Variants in NLGN4Y observed in about 807,000 individuals in gnomAD.
NLGN4Y encodes the protein neuroligin-4, Y-linked.
Under a neutral mutation model 8.4 loss-of-function variants are expected in NLGN4Y, and 4 were observed. The ratio of observed to expected loss-of-function variants is 0.48; its 90% CI spans 0.23 to 1.09. The LOEUF (loss-of-function observed/expected upper bound fraction) is 1.09. Among genes scored for constraint, NLGN4Y ranks in the 50% least tolerant of loss-of-function variants. NLGN4Y has a pLI of 0.19. For missense variants in NLGN4Y, 90 were observed against 192.3 expected, an observed-to-expected ratio of 0.47 and a Z score of 3.15; for synonymous variants, 35 against 75.6, an observed-to-expected ratio of 0.46 and a Z score of 2.78.
intron 1 of NLGN4Y, among the ~76,000 whole-genome samples, chrY:14,554,510 A>C: frequency 3.1e-5 from 1 of 31,993 alleles, no homozygotes; most frequent in Non-Finnish European, 7.5e-5. Flanking sequence ...GCCCCTTACT[A>C]TTTCTATATT....
intron 1 of NLGN4Y, among the ~76,000 whole-genome samples, chrY:14,619,876 T>C: frequency 3.0e-5 from 1 of 33,763 alleles, no homozygotes; most frequent in Non-Finnish European, 7.3e-5. Flanking sequence ...TTTGAAGGAA[T>C]ATGGATGGAA....
intron 1 of NLGN4Y, among the ~76,000 whole-genome samples, chrY:14,530,053 C>CT (rs2080106483): frequency 3.8e-5 from 1 of 26,498 alleles, no homozygotes; most frequent in Non-Finnish European, 8.7e-5. Context: ...AGTTACTTTC[C>CT]TTTTTTTATT....
At chrY:14,685,377 G>A (rs780802754) in intron 2 of NLGN4Y, among the ~76,000 whole-genome samples, 1 of 33,370 alleles carries the variant, frequency 3.0e-5, no homozygotes, top group South Asian at 6.6e-4. Context: ...CTTCACGCTT[G>A]TCTTATGTCT....
At chrY:14,596,815 T>C in intron 1 of NLGN4Y, among the ~76,000 whole-genome samples, 1 of 33,207 alleles carries the variant, frequency 3.0e-5, no homozygotes, top group Non-Finnish European at 7.4e-5. Flanking sequence ...AGGGGTCCAA[T>C]GGTACTCACT....
At chrY:14,560,280 G>A in intron 1 of NLGN4Y, among the ~76,000 whole-genome samples, 1 of 33,319 alleles carries the variant, frequency 3.0e-5, no homozygotes. Flanking sequence ...AAATGATGTT[G>A]ATTTCTAGGG....
intron 4 of NLGN4Y, among the ~76,000 whole-genome samples, chrY:14,792,861 T>A: frequency 5.3e-5 from 1 of 18,948 alleles, no homozygotes; most frequent in African/African-American, 2.2e-4. Context: ...AGTGTGTGTG[T>A]GTGTGTGTGT....
intron 4 of NLGN4Y, among the ~76,000 whole-genome samples, chrY:14,814,007 C>T: frequency 6.1e-5 from 2 of 32,627 alleles, no homozygotes; most frequent in African/African-American, 2.4e-4. Context: ...CATAATAAAC[C>T]TATAGTTGTA....
At chrY:14,528,795 G>A (rs2080101478) in intron 1 of NLGN4Y, among the ~76,000 whole-genome samples, 2 of 33,559 alleles carry the variant, frequency 6.0e-5, no homozygotes, top group East Asian at 7.8e-4. Context: ...AATACATTTC[G>A]AAGAGAGAAA....
At chrY:14,657,791 T>C in intron 2 of NLGN4Y, among the ~76,000 whole-genome samples, 1 of 33,629 alleles carries the variant, frequency 3.0e-5, no homozygotes, top group Non-Finnish European at 7.3e-5. Flanking sequence ...TCTGAGCCAC[T>C]CATTTACTCC....
chrY:14,681,326 G>T, intron 2 of NLGN4Y, among the ~76,000 whole-genome samples: 2 of 33,056 alleles, frequency 6.1e-5, no homozygotes, highest in African/African-American at 2.4e-4. Context: ...GAGAAGTGCT[G>T]AGGAAAGGAG....
chrY:14,791,780 G>C, intron 4 of NLGN4Y, among the ~76,000 whole-genome samples: 2 of 32,808 alleles, frequency 6.1e-5, no homozygotes, highest in Non-Finnish European at 1.5e-4. Flanking sequence ...TTCTTGACCA[G>C]AATTGTTACC....
At chrY:14,608,695 T>C (rs767013746) in intron 1 of NLGN4Y, among the ~76,000 whole-genome samples, 95 of 32,881 alleles carry the variant, frequency 2.9e-3, no homozygotes, top group Non-Finnish European at 1.8e-3. Flanking sequence ...AGCTCTTTTT[T>C]AGTTCCACCC....
intron 1 of NLGN4Y, among the ~76,000 whole-genome samples, chrY:14,527,532 C>T (rs770348481): frequency 3.0e-5 from 1 of 33,806 alleles, no homozygotes; most frequent in South Asian, 6.6e-4. Context: ...AAATCCATTG[C>T]TGTTTTTTGT....
At chrY:14,565,445 A>G (rs745520805) in intron 1 of NLGN4Y, among the ~76,000 whole-genome samples, 2 of 31,785 alleles carry the variant, frequency 6.3e-5, no homozygotes, top group East Asian at 1.7e-3. Context: ...TCTTAATGAA[A>G]TAAAGAGAGA....
intron 2 of NLGN4Y, among the ~76,000 whole-genome samples, chrY:14,704,683 G>A: frequency 3.0e-5 from 1 of 33,139 alleles, no homozygotes; most frequent in African/African-American, 1.2e-4. Context: ...CATAAAACGA[G>A]TTAGGGAGGA....
intron 4 of NLGN4Y, among the ~76,000 whole-genome samples, chrY:14,806,550 C>T (rs2043057849): frequency 3.1e-5 from 1 of 32,408 alleles, no homozygotes. Flanking sequence ...AGAATTGTTA[C>T]TGTGATAGTT....
At chrY:14,794,584 TG>T (rs2042999297) in intron 4 of NLGN4Y, among the ~76,000 whole-genome samples, 2 of 33,579 alleles carry the variant, frequency 6.0e-5, no homozygotes, top group African/African-American at 2.3e-4. Flanking sequence ...TTTCAGAAGC[TG>T]GGTATTTGAA....
chrY:14,826,952 A>G (rs2043150079), intron 5 of NLGN4Y, among the ~76,000 whole-genome samples: 4 of 33,532 alleles, frequency 1.2e-4, no homozygotes, highest in African/African-American at 4.7e-4. Flanking sequence ...CTTTCTTTAA[A>G]GTAACTGCAG....
chrY:14,650,633 T>A, intron 2 of NLGN4Y, among the ~76,000 whole-genome samples: 1 of 33,549 alleles, frequency 3.0e-5, no homozygotes, highest in Non-Finnish European at 7.4e-5. Flanking sequence ...GATCTCATTT[T>A]TTTTTCCTGC....
Sources: allele counts gnomAD v4.1 joint callset (sites outside exome capture counted in the v4.1 genomes callset), GRCh38; gene constraint gnomAD v4.1.1; transcripts MANE v1.5; gene names NCBI Gene and HGNC (gene_info 2026-07-23, HGNC 2026-07-21).